Variants in DISC1 observed in about 807,000 individuals in gnomAD.
DISC1 encodes the protein DISC1 scaffold protein, also known as disrupted in schizophrenia 1 protein.
Under a neutral mutation model 84.5 loss-of-function variants are expected in DISC1, and 57 were observed. The observed-to-expected ratio is 0.67, with a 90% CI of 0.55 to 0.84. The LOEUF is 0.84. Ranked by LOEUF, DISC1 falls within the 40% of genes least tolerant of loss-of-function variation. The probability of loss-of-function intolerance (pLI) is 0.00; values close to 1 mark genes in which losing one functional copy is unlikely to be tolerated. For missense variants in DISC1, 1,000 were observed against 1,057.8 expected, an observed-to-expected ratio of 0.95 and a Z score of 0.76; for synonymous variants, 411 against 415.2, an observed-to-expected ratio of 0.99 and a Z score of 0.12.
intron 6 of DISC1, among the ~76,000 whole-genome samples, chr1:231,790,620 G>A (rs531751009): frequency 4.0e-5 from 6 of 151,854 alleles, no homozygotes; most frequent in East Asian, 1.9e-4. Flanking sequence ...CCGGGTTCAC[G>A]CCATTCTCCT....
At chr1:231,701,844 G>C (rs2066465550) in intron 2 of DISC1, 111 bp from the exon 3 acceptor site, 3 of 880,664 alleles carry the variant, frequency 3.4e-6, no homozygotes, top group African/African-American at 1.8e-5. Context: ...TTTAAAAAGA[G>C]AATGAAGAAG....
intron 1 of DISC1, among the ~76,000 whole-genome samples, chr1:231,685,892 A>G (rs772265659): frequency 6.6e-6 from 1 of 152,212 alleles, no homozygotes; most frequent in Admixed American, 6.5e-5. Context: ...GTATTGGGTA[A>G]ATACAGCTGT....
chr1:231,910,128 C>A (rs550069277), intron 9 of DISC1, among the ~76,000 whole-genome samples: 47 of 152,152 alleles, frequency 3.1e-4, no homozygotes, highest in Non-Finnish European at 5.6e-4. Context: ...AAAAAACCAG[C>A]TCTTGGATTC....
chr1:231,811,767 C>G (rs1388131023), intron 8 of DISC1, among the ~76,000 whole-genome samples: 4 of 152,170 alleles, frequency 2.6e-5, no homozygotes, highest in African/African-American at 9.7e-5. Context: ...TTGACTAAGT[C>G]ACTTATTGAC....
rs561988914 is a variant in DISC1 at position 231,760,269 on chromosome 1, A to G, written c.1269-6871A>G. Among the ~76,000 whole-genome samples the G allele has an allele frequency of 5.9e-5, 9 of 152,314 alleles. No homozygotes were observed. In the East Asian group the frequency reaches 1.7e-3, roughly 29 times the overall value. ...GCTCTCAGAATGGCCTTGGTAATTT[A>G]GGGCATCGTTTATTGAATGAGCAAG... On this transcript the variant is annotated intron_variant, in intron 4 of 12. Coordinates refer to ENST00000439617, the MANE Select transcript of DISC1 (RefSeq NM_018662.3).
At chr1:231,882,373 CTCAT>C (rs2086347858) in intron 9 of DISC1, among the ~76,000 whole-genome samples, 1 of 152,134 alleles carries the variant, frequency 6.6e-6, no homozygotes, top group African/African-American at 2.4e-5. Flanking sequence ...TCAATCCTGT[CTCAT>C]TCATTCAGGC....
intron 9 of DISC1, among the ~76,000 whole-genome samples, chr1:231,916,889 A>G (rs1033406679): frequency 3.9e-5 from 6 of 152,150 alleles, no homozygotes; most frequent in Non-Finnish European, 7.3e-5. Flanking sequence ...CTGTGCACCT[A>G]GAAACCTTCC....
intron 10 of DISC1, among the ~76,000 whole-genome samples, chr1:231,992,168 G>A (rs755418519): frequency 1.6e-4 from 24 of 152,226 alleles, no homozygotes; most frequent in Non-Finnish European, 3.1e-4. Context: ...TTTAAATTTT[G>A]ACCAATATTG....
Position 232,026,611 on chromosome 1 carries a change from T to C in DISC1, c.2425+59T>C, listed in dbSNP as rs1243805383. ...AAGTTATTTTATAAAAGAGAGTCTT[T>C]AAAGGGTAGTTTTTCATGCCTCAGA... is the stretch of plus-strand genomic sequence containing the variant. On this transcript the variant is annotated intron_variant, in intron 12 of 12. Transcript: ENST00000439617. 4 of 1,345,242 alleles carry C rather than the reference T, an allele frequency of 3.0e-6. No individual in the cohort carries two copies. In the South Asian group the frequency reaches 3.8e-5, roughly 13 times the overall value. 83.3% of individuals were successfully genotyped at this position (1,345,242 alleles called of 1,614,324 possible). A position where few individuals can be genotyped will look rare whatever the true frequency, so the allele number is the denominator to read the frequency against.
chr1:231,785,452 G>T (rs889197776), intron 6 of DISC1, among the ~76,000 whole-genome samples: 1 of 151,024 alleles, frequency 6.6e-6, no homozygotes, highest in Non-Finnish European at 1.5e-5. Context: ...GCTAATTTTT[G>T]TATTATTATT....
chr1:231,849,579 T>A (rs1006431770), intron 9 of DISC1, among the ~76,000 whole-genome samples: 9 of 152,132 alleles, frequency 5.9e-5, no homozygotes, highest in African/African-American at 1.2e-4. Flanking sequence ...CATGTGTATA[T>A]GTGTGTGTAT....
At chr1:231,816,321 G>C (rs928707773) in intron 8 of DISC1, among the ~76,000 whole-genome samples, 4 of 152,132 alleles carry the variant, frequency 2.6e-5, no homozygotes, top group Non-Finnish European at 5.9e-5. Flanking sequence ...TCAAGTTGTA[G>C]TATTCAATTC....
chr1:231,888,738 CAAAAA>C (rs34003319), intron 9 of DISC1, among the ~76,000 whole-genome samples: 2 of 54,040 alleles, frequency 3.7e-5, no homozygotes, highest in South Asian at 7.8e-4. Context: ...GCTCTGTCTC[CAAAAA>C]AAAAAAAAAA....
chr1:231,733,559 C>T (rs62643973), intron 3 of DISC1, among the ~76,000 whole-genome samples: 76,252 of 133,892 alleles, frequency 0.57, 20,423 homozygotes, highest in South Asian at 0.65. Context: ...GTGGTAGTGG[C>T]TGTGGCAGTG....
At chr1:231,935,906 T>G (rs1186864022) in intron 9 of DISC1, among the ~76,000 whole-genome samples, 1 of 152,256 alleles carries the variant, frequency 6.6e-6, no homozygotes, top group Non-Finnish European at 1.5e-5. Flanking sequence ...GCATGTGGTA[T>G]GACTGCAGTT....
intron 6 of DISC1, among the ~76,000 whole-genome samples, chr1:231,783,064 GA>G (rs2077554843): frequency 6.6e-6 from 1 of 152,156 alleles, no homozygotes; most frequent in Non-Finnish European, 1.5e-5. Flanking sequence ...GGTAGTAATT[GA>G]AATGGAAATA....
chr1:231,915,055 T>C (rs2089511414), intron 9 of DISC1, among the ~76,000 whole-genome samples: 1 of 152,224 alleles, frequency 6.6e-6, no homozygotes, highest in Non-Finnish European at 1.5e-5. Flanking sequence ...AGAGGAAATG[T>C]GTTACGCTGA....
intron 8 of DISC1, among the ~76,000 whole-genome samples, chr1:231,802,939 C>T (rs1234600505): frequency 3.9e-5 from 6 of 152,104 alleles, no homozygotes; most frequent in Non-Finnish European, 7.3e-5. Flanking sequence ...AAACCAATGC[C>T]TCGATTTTAG....
chr1:231,785,831 G>A (rs1462444650), intron 6 of DISC1, among the ~76,000 whole-genome samples: 1 of 152,178 alleles, frequency 6.6e-6, no homozygotes, highest in African/African-American at 2.4e-5. Flanking sequence ...TGGAACTTCA[G>A]CATAAAGCCT....
Sources: allele counts gnomAD v4.1 joint callset (sites outside exome capture counted in the v4.1 genomes callset), GRCh38; gene constraint gnomAD v4.1.1; transcripts MANE v1.5; gene names NCBI Gene and HGNC (gene_info 2026-07-23, HGNC 2026-07-21).